Variants in CPA6 observed in about 807,000 individuals in gnomAD.
The protein encoded by CPA6 is carboxypeptidase B.
In CPA6, 58 loss-of-function variants were observed where a neutral mutation model predicts 63.3. That is an observed-to-expected ratio of 0.92 (90% CI 0.74 to 1.14). The LOEUF (loss-of-function observed/expected upper bound fraction) is 1.14, where lower values mean the gene tolerates loss of function less well. Among genes scored for constraint, CPA6 ranks in the 50% most tolerant of loss-of-function variants. The pLI is 0.00. For synonymous variants in CPA6, 185 were observed against 179.0 expected (o/e 1.03, Z -0.27); for missense variants, 565 against 526.6 (o/e 1.07, Z -0.71).
At chr8:67,629,990 A>G (rs1458752604) in intron 1 of CPA6, among the ~76,000 whole-genome samples, 1 of 152,044 alleles carries the variant, frequency 6.6e-6, no homozygotes, top group Admixed American at 6.6e-5. Flanking sequence ...CTATAGCACC[A>G]GCTACTCGGG....
intron 1 of CPA6, among the ~76,000 whole-genome samples, chr8:67,654,804 T>C (rs28508555): frequency 0.42 from 63,898 of 151,906 alleles, 14,656 homozygotes; most frequent in African/African-American, 0.62. Flanking sequence ...CATACGTAAA[T>C]TGGTCTCCTC....
chr8:67,696,162 G>C (rs758756488), intron 1 of CPA6, among the ~76,000 whole-genome samples: 1 of 152,022 alleles, frequency 6.6e-6, no homozygotes, highest in Non-Finnish European at 1.5e-5. Flanking sequence ...GAAGTCACAT[G>C]GGATATCACC....
intron 8 of CPA6, among the ~76,000 whole-genome samples, chr8:67,449,600 T>C (rs1230570592): frequency 1.3e-5 from 2 of 152,170 alleles, no homozygotes; most frequent in African/African-American, 4.8e-5. Flanking sequence ...CCAAGGACAG[T>C]TTTATGCCGT....
At chr8:67,623,904 G>A (rs999258887) in intron 2 of CPA6, among the ~76,000 whole-genome samples, 3 of 152,014 alleles carry the variant, frequency 2.0e-5, no homozygotes, top group Non-Finnish European at 2.9e-5. Context: ...CTAAGAGGCC[G>A]GAGAATTGCT....
At chr8:67,688,436 T>C (rs1259479645) in intron 1 of CPA6, among the ~76,000 whole-genome samples, 3 of 152,204 alleles carry the variant, frequency 2.0e-5, no homozygotes, top group African/African-American at 4.8e-5. Context: ...GGAACGCTCC[T>C]TATTACTTCA....
At chr8:67,584,943 G>A (rs976190527) in intron 2 of CPA6, among the ~76,000 whole-genome samples, 2 of 152,172 alleles carry the variant, frequency 1.3e-5, no homozygotes, top group African/African-American at 4.8e-5. Context: ...CATACCATTA[G>A]CCGATTAGCA....
intron 6 of CPA6, among the ~76,000 whole-genome samples, chr8:67,485,176 C>T (rs1044749289): frequency 6.6e-6 from 1 of 152,188 alleles, no homozygotes; most frequent in African/African-American, 2.4e-5. Flanking sequence ...CACAATAGAT[C>T]ATAGCACAGA....
chr8:67,682,431 C>A (rs547486663), intron 1 of CPA6, among the ~76,000 whole-genome samples: 6 of 152,230 alleles, frequency 3.9e-5, no homozygotes, highest in East Asian at 3.9e-4. Flanking sequence ...ACTCTTCTAT[C>A]TTCTTGAACA....
chr8:67,725,351 A>T (rs367816732), intron 1 of CPA6, among the ~76,000 whole-genome samples: 2 of 152,216 alleles, frequency 1.3e-5, no homozygotes, highest in South Asian at 2.1e-4. Flanking sequence ...ATACAAATTT[A>T]ACAAATAAAT....
At chr8:67,703,168 T>C (rs1460510303) in intron 1 of CPA6, among the ~76,000 whole-genome samples, 1 of 152,184 alleles carries the variant, frequency 6.6e-6, no homozygotes, top group East Asian at 1.9e-4. Flanking sequence ...GTTCAATCCC[T>C]GTACTCAGTT....
intron 2 of CPA6, among the ~76,000 whole-genome samples, chr8:67,580,408 T>C (rs866105269): frequency 5.3e-5 from 8 of 152,320 alleles, no homozygotes; most frequent in Middle Eastern, 3.4e-3. Flanking sequence ...AGTAACCTCA[T>C]GAAAAGAATT....
intron 6 of CPA6, among the ~76,000 whole-genome samples, chr8:67,486,565 A>G (rs889740608): frequency 2.0e-5 from 3 of 152,232 alleles, no homozygotes; most frequent in Non-Finnish European, 2.9e-5. Flanking sequence ...TGACTGTATT[A>G]ATATCCACAT....
chr8:67,642,814 C>G (rs1815625038), intron 1 of CPA6, among the ~76,000 whole-genome samples: 1 of 151,948 alleles, frequency 6.6e-6, no homozygotes, highest in Admixed American at 6.6e-5. Context: ...CACACACACA[C>G]ACACACACAC....
At chr8:67,703,812 T>A (rs1452018787) in intron 1 of CPA6, among the ~76,000 whole-genome samples, 1 of 152,220 alleles carries the variant, frequency 6.6e-6, no homozygotes, top group Non-Finnish European at 1.5e-5. Context: ...TCCATACACT[T>A]TTATTTTCAT....
chr8:67,624,312 C>A, intron 1 of CPA6, 61 bp from the exon 2 acceptor site: 1 of 877,440 alleles, frequency 1.1e-6, no homozygotes, highest in Non-Finnish European at 1.8e-6. Context: ...TTAGTCATCT[C>A]TTTCTTACCT....
chr8:67,613,787 C>T (rs1220932984), intron 2 of CPA6, among the ~76,000 whole-genome samples: 2 of 152,180 alleles, frequency 1.3e-5, no homozygotes, highest in African/African-American at 4.8e-5. Flanking sequence ...AAAAAGTTGC[C>T]TTTTGGCCTG....
At chr8:67,438,735 G>A (rs1810220096) in intron 8 of CPA6, among the ~76,000 whole-genome samples, 1 of 148,952 alleles carries the variant, frequency 6.7e-6, no homozygotes, top group Non-Finnish European at 1.5e-5. Flanking sequence ...AATGATCCAG[G>A]TATCAAATCC....
chr8:67,648,578 G>T (rs1815767688), intron 1 of CPA6, among the ~76,000 whole-genome samples: 1 of 152,198 alleles, frequency 6.6e-6, no homozygotes, highest in African/African-American at 2.4e-5. Context: ...GGTTGGAATA[G>T]TTTCTGAGTA....
At chr8:67,637,792 T>C (rs1345982381) in intron 1 of CPA6, among the ~76,000 whole-genome samples, 3 of 151,358 alleles carry the variant, frequency 2.0e-5, no homozygotes, top group Non-Finnish European at 2.9e-5. Context: ...ATGAAAAGAT[T>C]TGATACTTAA....
Sources: allele counts gnomAD v4.1 joint callset (sites outside exome capture counted in the v4.1 genomes callset), GRCh38; gene constraint gnomAD v4.1.1; transcripts MANE v1.5; gene names NCBI Gene and HGNC (gene_info 2026-07-23, HGNC 2026-07-21).